Variants in DGKB observed in about 807,000 individuals in gnomAD.
DGKB encodes the protein diacylglycerol kinase beta.
DGKB carries 67 observed loss-of-function variants against 114.3 expected under a neutral mutation model. That is an observed-to-expected ratio of 0.59 (90% CI 0.48 to 0.72). The LOEUF (loss-of-function observed/expected upper bound fraction) is 0.72, where lower values mean the gene tolerates loss of function less well. Ranked by LOEUF, DGKB falls within the 30% of genes least tolerant of loss-of-function variation. The pLI is 0.00. For synonymous variants in DGKB, 398 were observed against 323.1 expected (o/e 1.23, Z -2.49); for missense variants, 907 against 975.2 (o/e 0.93, Z 0.93).
intron 2 of DGKB, among the ~76,000 whole-genome samples, chr7:14,820,613 T>C (rs1233122425): frequency 1.3e-5 from 2 of 152,174 alleles, no homozygotes; most frequent in Non-Finnish European, 2.9e-5. Context: ...CTATTTCAAA[T>C]TAAATCAAGA....
intron 13 of DGKB, among the ~76,000 whole-genome samples, chr7:14,666,263 A>C (rs942106672): frequency 1.3e-5 from 2 of 151,998 alleles, no homozygotes; most frequent in Non-Finnish European, 2.9e-5. Flanking sequence ...TTATATGATT[A>C]ATTTTTAAAA....
chr7:14,910,314 G>GAAAGAAAGAAAA (rs1209418948), intron 1 of DGKB, among the ~76,000 whole-genome samples: 44 of 132,366 alleles, frequency 3.3e-4, no homozygotes, highest in African/African-American at 1.2e-3. Context: ...AAGAAAGAAA[G>GAAAGAAAGAAAA]AACCTTATAT....
intron 20 of DGKB, among the ~76,000 whole-genome samples, chr7:14,484,821 AAAAG>A (rs1313591542): frequency 6.6e-6 from 1 of 152,162 alleles, no homozygotes; most frequent in Admixed American, 6.6e-5. Context: ...ATCATAAAGA[AAAAG>A]AAAGGCTATC....
At chr7:14,416,543 G>A (rs773401550) in intron 21 of DGKB, among the ~76,000 whole-genome samples, 8 of 152,156 alleles carry the variant, frequency 5.3e-5, no homozygotes, top group Non-Finnish European at 1.0e-4. Context: ...CGTGGTGTGG[G>A]AGGGACCCAG....
chr7:14,536,248 T>G (rs996185565), intron 20 of DGKB, among the ~76,000 whole-genome samples: 1 of 152,148 alleles, frequency 6.6e-6, no homozygotes, highest in Non-Finnish European at 1.5e-5. Flanking sequence ...ACCAATCCTT[T>G]TAAAAGTCTT....
intron 23 of DGKB, among the ~76,000 whole-genome samples, chr7:14,264,642 T>A (rs1797233977): frequency 6.6e-6 from 1 of 152,176 alleles, no homozygotes; most frequent in Non-Finnish European, 1.5e-5. Context: ...ACACAGTGCC[T>A]TTTAGAGAAG....
In DGKB at chr7:14,962,091, G is replaced by A. The variant is rs560568857; in HGVS notation, c.-188+12605C>T. On this transcript the variant is annotated intron_variant, in intron 1 of 4. Transcript: ENST00000437998. ...GTTTGTCTAAAACTTTAAAAAAATT[G>A]TAACTTTGAATAGTATGTGACACAA... 2.0e-5 allele frequency among the ~76,000 whole-genome samples: 3 copies of A among 152,122 alleles called. No homozygotes were observed. In the East Asian group the frequency reaches 5.8e-4, roughly 30 times the overall value.
At chr7:14,645,816 G>C (rs1249131540) in intron 13 of DGKB, among the ~76,000 whole-genome samples, 1 of 152,036 alleles carries the variant, frequency 6.6e-6, no homozygotes, top group Non-Finnish European at 1.5e-5. Context: ...TCACCAGACT[G>C]GATATACAAG....
intron 23 of DGKB, among the ~76,000 whole-genome samples, chr7:14,275,233 TC>T (rs1798829057): frequency 6.6e-6 from 1 of 152,184 alleles, no homozygotes; most frequent in Non-Finnish European, 1.5e-5. Flanking sequence ...GTGCATATCT[TC>T]TCATCTTAAG....
intron 23 of DGKB, among the ~76,000 whole-genome samples, chr7:14,247,557 G>C (rs1261612868): frequency 6.6e-6 from 1 of 152,056 alleles, no homozygotes. Flanking sequence ...GGTGTGAGGT[G>C]ATATCTCATT....
At chr7:14,504,677 C>T (rs1289491040) in intron 20 of DGKB, among the ~76,000 whole-genome samples, 1 of 152,026 alleles carries the variant, frequency 6.6e-6, no homozygotes, top group Non-Finnish European at 1.5e-5. Flanking sequence ...TATATGAAAA[C>T]ACAAAGAACA....
chr7:14,531,239 A>T (rs964893805), intron 20 of DGKB, among the ~76,000 whole-genome samples: 7 of 151,514 alleles, frequency 4.6e-5, no homozygotes, highest in African/African-American at 1.7e-4. Context: ...AAGTATCTAA[A>T]TTGAAAGAGA....
intron 23 of DGKB, among the ~76,000 whole-genome samples, chr7:14,198,384 T>C (rs1785326778): frequency 6.6e-6 from 1 of 151,992 alleles, no homozygotes; most frequent in African/African-American, 2.4e-5. Context: ...GCAGAAGACA[T>C]GAGTTCCCTG....
intron 9 of DGKB, among the ~76,000 whole-genome samples, chr7:14,692,906 T>C (rs1416536277): frequency 2.0e-5 from 3 of 152,118 alleles, no homozygotes; most frequent in Non-Finnish European, 2.9e-5. Context: ...CCTAAACTTA[T>C]ACATATTCCT....
chr7:14,495,110 T>C (rs1478005629), intron 20 of DGKB, among the ~76,000 whole-genome samples: 1 of 151,878 alleles, frequency 6.6e-6, no homozygotes, highest in Middle Eastern at 3.2e-3. Flanking sequence ...CATGATTCTC[T>C]AGATGTAGTC....
intron 21 of DGKB, among the ~76,000 whole-genome samples, chr7:14,367,413 G>A (rs1816860884): frequency 1.3e-5 from 2 of 151,858 alleles, no homozygotes; most frequent in African/African-American, 4.8e-5. Context: ...TCATAAAGGG[G>A]AGATCCCCTG....
intron 21 of DGKB, among the ~76,000 whole-genome samples, chr7:14,351,188 A>G (rs1244997361): frequency 6.6e-6 from 1 of 152,212 alleles, no homozygotes. Flanking sequence ...AGTTTTATTC[A>G]CTTTTTCATT....
At chr7:14,832,631 T>A (rs560665510) in intron 2 of DGKB, among the ~76,000 whole-genome samples, 1 of 152,136 alleles carries the variant, frequency 6.6e-6, no homozygotes, top group Non-Finnish European at 1.5e-5. Context: ...ACATGTTTCT[T>A]CTTTGGATTG....
intron 23 of DGKB, among the ~76,000 whole-genome samples, chr7:14,203,815 T>G (rs1029004344): frequency 2.0e-5 from 3 of 151,996 alleles, no homozygotes; most frequent in African/African-American, 7.2e-5. Context: ...TATATTTTGG[T>G]GACCATTGGA....
Sources: gnomAD v4.1 joint callset for allele counts (sites outside exome capture counted in the v4.1 genomes callset) on GRCh38, gnomAD v4.1.1 for gene constraint, MANE v1.5 for transcripts, NCBI Gene and HGNC (gene_info 2026-07-23, HGNC 2026-07-21) for gene names.